The following IL2RB variants were observed in gnomAD, a reference collection of about 807,000 sequenced individuals.
The protein encoded by IL2RB is interleukin 2 receptor subunit beta, also known as interleukin-2 receptor subunit beta.
Under a neutral mutation model 44.2 loss-of-function variants are expected in IL2RB, and 17 were observed. The observed-to-expected ratio is 0.38, with a 90% CI of 0.26 to 0.58. The LOEUF (loss-of-function observed/expected upper bound fraction) is 0.58, where lower values mean the gene tolerates loss of function less well. IL2RB is among the 20% of genes least tolerant of loss of function. The probability of loss-of-function intolerance (pLI) is 0.63; values close to 1 mark genes in which losing one functional copy is unlikely to be tolerated. For synonymous variants in IL2RB, 286 were observed against 297.9 expected (o/e 0.96, Z 0.41); for missense variants, 624 against 685.5 (o/e 0.91, Z 1.00).
chr22:37,146,347 G>A (rs1380176417), intron 1 of IL2RB, among the ~76,000 whole-genome samples: 1 of 152,014 alleles, frequency 6.6e-6, no homozygotes, highest in Non-Finnish European at 1.5e-5. Flanking sequence ...TCCCATTTTC[G>A]AGGCTTTCTG....
chr22:37,153,052 G>T (rs947535727), upstream of IL2RB, among the ~76,000 whole-genome samples: 1 of 149,398 alleles, frequency 6.7e-6, no homozygotes, highest in Non-Finnish European at 1.5e-5. Flanking sequence ...CTCCTGCCTC[G>T]GCTTCCCGAG....
rs888762807 is a variant in IL2RB at position 37,136,322 on chromosome 22, C to T, written c.609G>A (p.Gln203=). ...GCTTGACCCGCACCTGAAACTCATA[C>T]TGGGTGTCTGGGGTGAGCGTCTCCA... ...ICLETLTPDT[Q]YEFQVRVKPL... is the part of the protein sequence containing the mutation. Residue 203 remains glutamine, a synonymous_variant, in exon 7 of 10, where the codon CAG becomes CAA. Coordinates refer to ENST00000216223, the MANE Select transcript of IL2RB (RefSeq NM_000878.5). 3.1e-6 allele frequency: 5 copies of T among 1,613,044 alleles called. No homozygotes were observed. The highest frequency in any genetic ancestry group is 2.5e-6 in the Non-Finnish European group (3 of 1,179,732).
At chr22:37,161,389 T>C (rs749769919) in intron 1 of IL2RB, among the ~76,000 whole-genome samples, 2 of 152,138 alleles carry the variant, frequency 1.3e-5, no homozygotes, top group Non-Finnish European at 2.9e-5. Flanking sequence ...CAAATCTTTC[T>C]TGTGTTGGAG....
upstream of IL2RB, among the ~76,000 whole-genome samples, chr22:37,151,905 T>G (rs1922503500): frequency 6.6e-6 from 1 of 152,254 alleles, no homozygotes; most frequent in South Asian, 2.1e-4. Flanking sequence ...TTCCCTATTC[T>G]GACCAATGGT....
intron 1 of IL2RB, among the ~76,000 whole-genome samples, chr22:37,165,469 C>T (rs1227111013): frequency 2.6e-5 from 4 of 152,182 alleles, no homozygotes; most frequent in Non-Finnish European, 5.9e-5. Context: ...TCTGTATTAT[C>T]CTGGCTCAGG....
At chr22:37,162,061 C>T (rs1297729486) in intron 1 of IL2RB, 2 of 152,254 alleles carry the variant, frequency 1.3e-5, no homozygotes, top group Non-Finnish European at 2.9e-5. Flanking sequence ...GTTTTTGCAA[C>T]TGAAGTTCCT....
In IL2RB at chr22:37,127,802, T is replaced by C; in HGVS notation, c.*294A>G. The C allele has an allele frequency of 7.0e-6, 2 of 284,642 alleles. No homozygotes were observed. The highest frequency in any genetic ancestry group is 9.9e-4 in the Middle Eastern group (1 of 1,014). 17.6% of individuals were successfully genotyped at this position (284,642 alleles called of 1,614,324 possible). On this transcript the variant is annotated 3_prime_UTR_variant, in exon 10 of 10. Coordinates refer to ENST00000216223, the MANE Select transcript of IL2RB (RefSeq NM_000878.5). ...TAGCTGCAGGGCTGGAGAGGAGCGA[T>C]GCTTCTGAGCCTAAATTCGTGGGAT...
chr22:37,166,112 C>T (rs1923070801), intron 1 of IL2RB, among the ~76,000 whole-genome samples: 1 of 152,208 alleles, frequency 6.6e-6, no homozygotes, highest in South Asian at 2.1e-4. Context: ...ACCTCACCGC[C>T]CATGCTCAAG....
At chr22:37,136,470 C>CTA in intron 6 of IL2RB, 77 bp from the exon 7 acceptor site, 1 of 1,443,202 alleles carries the variant, frequency 6.9e-7, no homozygotes, top group Non-Finnish European at 9.3e-7. Context: ...CACAGAACCC[C>CTA]CCCCCAACCC....
intron 9 of IL2RB, among the ~76,000 whole-genome samples, chr22:37,129,172 C>G (rs970256912): frequency 6.6e-6 from 1 of 152,208 alleles, no homozygotes; most frequent in Non-Finnish European, 1.5e-5. Context: ...TGGCACTGTT[C>G]TAGATGCTGG....
intron 1 of IL2RB, among the ~76,000 whole-genome samples, chr22:37,156,927 G>A (rs893687584): frequency 1.3e-5 from 2 of 152,094 alleles, no homozygotes; most frequent in South Asian, 2.1e-4. Flanking sequence ...ACCCCTGCTC[G>A]GTGCTGTGAC....
At position 37,142,461 on chromosome 22, in the gene IL2RB, G is replaced by T. The variant is rs1380589657; in HGVS notation, c.255C>A (p.Ala85=). The change falls in exon 4 of 10, where the codon GCC becomes GCA. Residue 85 remains alanine (A), a synonymous_variant. Transcript: ENST00000216223. The part of the protein sequence containing the change: ...ELLPVSQASW[A]CNLILGAPDS... ...CTGGGGCTCCGAGGATCAGGTTGCA[G>T]GCCCAGGATGCTTGACTCACGGGGA... is the stretch of plus-strand genomic sequence containing the variant. 6.2e-7 allele frequency: 1 copy of T among 1,614,174 alleles called. No individual in the cohort carries two copies. Among genetic ancestry groups the T allele is most frequent in the South Asian group, 1.1e-5 (1 of 91,078 alleles).
At chr22:37,169,460 T>C (rs1164001202) in intron 1 of IL2RB, among the ~76,000 whole-genome samples, 2 of 152,160 alleles carry the variant, frequency 1.3e-5, no homozygotes, top group African/African-American at 4.8e-5. Context: ...GACGCTGCCA[T>C]GTCATCCTTC....
At chr22:37,142,664 T>A in intron 3 of IL2RB, 152 bp from the exon 4 acceptor site, 1 of 743,764 alleles carries the variant, frequency 1.3e-6, no homozygotes, top group Non-Finnish European at 2.4e-6. Flanking sequence ...GGGCACTGCC[T>A]CCCCCACTGG....
intron 1 of IL2RB, 122 bp from the exon 2 acceptor site, chr22:37,144,327 G>T: frequency 2.3e-6 from 3 of 1,278,732 alleles, no homozygotes; most frequent in Non-Finnish European, 3.2e-6. Flanking sequence ...TGCCAGCTCA[G>T]TCCAGCCCCA....
intron 1 of IL2RB, among the ~76,000 whole-genome samples, chr22:37,163,682 C>G (rs1373849859): frequency 6.6e-6 from 1 of 152,256 alleles, no homozygotes; most frequent in African/African-American, 2.4e-5. Context: ...TGAGGCCCCC[C>G]ATTCGGGGGA....
At chr22:37,160,700 T>G (rs1405351913) in intron 1 of IL2RB, among the ~76,000 whole-genome samples, 4 of 115,542 alleles carry the variant, frequency 3.5e-5, no homozygotes, top group African/African-American at 8.8e-5. Context: ...AAAAAAAAAT[T>G]TAGCCGGGCA....
chr22:37,154,109 C>G (rs1451307891), upstream of IL2RB, among the ~76,000 whole-genome samples: 1 of 152,216 alleles, frequency 6.6e-6, no homozygotes, highest in African/African-American at 2.4e-5. Context: ...AGGTAGGCCA[C>G]TCTCCACCCT....
At position 37,170,261 on chromosome 22, in the gene IL2RB, G is replaced by A. The variant is rs551411572; in HGVS notation, c.-34+4697C>T. ...AACCAAAGCAGCTGCAGGAAGTTTG[G>A]TGTTTGCCAAGGTTGGGGGTGAAAT... On this transcript the variant is annotated intron_variant, in intron 1 of 5. Coordinates refer to the IL2RB transcript ENST00000429622. Among the ~76,000 whole-genome samples the A allele has an allele frequency of 5.3e-5, 8 of 152,320 alleles. 1 individual carries two copies. Among genetic ancestry groups the A allele is most frequent in the African/African-American group, 1.9e-4 (8 of 41,560 alleles).
Sources: allele counts gnomAD v4.1 joint callset (sites outside exome capture counted in the v4.1 genomes callset), GRCh38; gene constraint gnomAD v4.1.1; transcripts MANE v1.5; gene names NCBI Gene and HGNC (gene_info 2026-07-23, HGNC 2026-07-21).